BTAF1: variants seen among roughly 807,000 people sequenced by gnomAD.
BTAF1 encodes B-TFIID TATA-box binding protein associated factor 1.
BTAF1 carries 38 observed loss-of-function variants against 227.1 expected under a neutral mutation model. That is an observed-to-expected ratio of 0.17 (90% confidence interval 0.13 to 0.22). The LOEUF is 0.22. Among genes scored for constraint, BTAF1 ranks in the 10% least tolerant of loss-of-function variants. The pLI, the probability that BTAF1 is intolerant of heterozygous loss-of-function variation, is 1.00. For missense variants in BTAF1, 1,598 were observed against 2,204.0 expected (o/e 0.73, Z 5.51); for synonymous variants, 742 against 751.9 (o/e 0.99, Z 0.21).
chr10:91,974,082 G>A (rs1847513008), intron 14 of BTAF1, among the ~76,000 whole-genome samples: 1 of 152,102 alleles, frequency 6.6e-6, no homozygotes, highest in Non-Finnish European at 1.5e-5. Flanking sequence ...AGTGAGAAAA[G>A]GAAACTCACC....
rs535458247 is a variant in BTAF1, at chr10:92,028,762, T to TA, written c.5407-28_5407-27insA. ...TGTGAAGTTAACCTCTCATTTTATT[T>TA]TTTTTTTTTTTGCCAATTTTTCTTA... is the stretch of plus-strand genomic sequence containing the variant. On this transcript the variant is annotated intron_variant, in intron 37 of 37. Transcript: ENST00000265990. The TA allele has an allele frequency of 8.5e-4, 1,313 of 1,552,544 alleles. 12 individuals are homozygous for TA. The African/African-American group carries it at 0.011, about 13-fold the overall frequency.
chr10:91,960,598 T>C (rs1846442296), intron 11 of BTAF1, among the ~76,000 whole-genome samples: 1 of 151,984 alleles, frequency 6.6e-6, no homozygotes. Flanking sequence ...TTTTTTTTTT[T>C]TTTTTAATCC....
At chr10:92,025,268 A>G (rs1242136780) in intron 35 of BTAF1, among the ~76,000 whole-genome samples, 1 of 152,106 alleles carries the variant, frequency 6.6e-6, no homozygotes, top group African/African-American at 2.4e-5. Flanking sequence ...TTTTGGGAGA[A>G]TTAGGGTGAG....
At chr10:91,969,424 G>C (rs530466961) in intron 14 of BTAF1, among the ~76,000 whole-genome samples, 1 of 151,764 alleles carries the variant, frequency 6.6e-6, no homozygotes, top group East Asian at 1.9e-4. Flanking sequence ...CTTTTTTTTG[G>C]TGAGTCAGTC....
intron 3 of BTAF1, among the ~76,000 whole-genome samples, chr10:91,941,143 T>C (rs1844966777): frequency 6.6e-6 from 1 of 152,246 alleles, no homozygotes; most frequent in African/African-American, 2.4e-5. Flanking sequence ...AATGTGTGAC[T>C]AGAGAAGTTA....
chr10:91,982,341 A>G, intron 17 of BTAF1, 116 bp downstream of exon 17: 1 of 1,411,496 alleles, frequency 7.1e-7, no homozygotes, highest in Non-Finnish European at 9.7e-7. Context: ...CCTTCATCAC[A>G]CTAATTATAG....
At chr10:92,015,946 C>T (rs555981291) in intron 32 of BTAF1, among the ~76,000 whole-genome samples, 2 of 152,242 alleles carry the variant, frequency 1.3e-5, no homozygotes, top group South Asian at 4.1e-4. Context: ...GATCATGTAA[C>T]TTCATTTAAG....
intron 11 of BTAF1, 34 bp downstream of exon 11, chr10:91,960,188 G>T: frequency 6.3e-7 from 1 of 1,596,560 alleles, no homozygotes; most frequent in East Asian, 2.2e-5. Flanking sequence ...TTATGTGGGA[G>T]AGTTTTTTCC....
chr10:92,004,141 AT>A (rs1849727360), intron 25 of BTAF1, among the ~76,000 whole-genome samples: 1 of 151,954 alleles, frequency 6.6e-6, no homozygotes, highest in Non-Finnish European at 1.5e-5. Flanking sequence ...TCTTATCAAG[AT>A]TTATGGTTCG....
intron 22 of BTAF1, among the ~76,000 whole-genome samples, chr10:91,994,195 G>A (rs1262139022): frequency 6.6e-6 from 1 of 151,996 alleles, no homozygotes; most frequent in South Asian, 2.1e-4. Flanking sequence ...AGCTACTCTG[G>A]AGGCTGAGGC....
At position 91,942,298 on chromosome 10, in the gene BTAF1, T is replaced by G. The variant is rs868529651; in HGVS notation, c.254-124T>G. Reference sequence around the variant, plus strand: ...GACCTCACTTCTTAAAAAAAAAAGTTTGTGTGTGTGTGTGTGTGTGTGTGT... The same window carrying G: ...GACCTCACTTCTTAAAAAAAAAAGTGTGTGTGTGTGTGTGTGTGTGTGTGT... On this transcript the variant is annotated intron_variant, in intron 3 of 37. Coordinates refer to ENST00000265990, the MANE Select transcript of BTAF1 (RefSeq NM_003972.3). 1.7e-3 allele frequency: 955 copies of G among 546,854 alleles called. 5 individuals are homozygous for G. Among genetic ancestry groups the G allele is most frequent in the African/African-American group, 4.1e-3 (210 of 51,398 alleles). 33.9% of individuals were successfully genotyped at this position (546,854 alleles called of 1,614,324 possible).
At chr10:91,998,383 T>A (rs1431204474) in intron 25 of BTAF1, among the ~76,000 whole-genome samples, 1 of 152,158 alleles carries the variant, frequency 6.6e-6, no homozygotes, top group Non-Finnish European at 1.5e-5. Context: ...TCTGGTAACA[T>A]CTAGGTGTAG....
intron 32 of BTAF1, 111 bp downstream of exon 32, chr10:92,014,140 C>A (rs1850545335): frequency 9.0e-7 from 1 of 1,111,716 alleles, no homozygotes; most frequent in Non-Finnish European, 1.3e-6. Flanking sequence ...TTATCAGATG[C>A]AGATAAAGCC....
intron 5 of BTAF1, among the ~76,000 whole-genome samples, chr10:91,953,040 G>A (rs1460532615): frequency 6.6e-6 from 1 of 152,152 alleles, no homozygotes; most frequent in African/African-American, 2.4e-5. Context: ...GTTCATCGTT[G>A]CCATAGGTCA....
chr10:92,001,911 G>A lies in BTAF1; in HGVS notation c.3660+4160G>A, dbSNP rs1220900972. Among the ~76,000 whole-genome samples, 6 of 118,748 alleles carry A rather than the reference G, an allele frequency of 5.1e-5. No individual in the cohort carries two copies. In the Admixed American group the frequency reaches 6.2e-4, roughly 12 times the overall value. 77.9% of individuals were successfully genotyped at this position (118,748 alleles called of 152,430 possible). On this transcript the variant is annotated intron_variant, in intron 25 of 37. Transcript: ENST00000265990. ...GCGGATTCCTTGAGCTTAGGAGTTTGAAACCACCCTGGACAACATGGTGAA... is the reference window on the plus strand; with the variant it reads ...GCGGATTCCTTGAGCTTAGGAGTTTAAAACCACCCTGGACAACATGGTGAA...
intron 8 of BTAF1, among the ~76,000 whole-genome samples, chr10:91,958,564 T>C (rs1846259992): frequency 6.6e-6 from 1 of 151,838 alleles, no homozygotes; most frequent in Non-Finnish European, 1.5e-5. Context: ...TAGCCGGGCG[T>C]GGTGGCGGGC....
intron 4 of BTAF1, among the ~76,000 whole-genome samples, chr10:91,948,980 C>G (rs1589782589): frequency 6.6e-6 from 1 of 152,194 alleles, no homozygotes; most frequent in Middle Eastern, 3.4e-3. Context: ...ACAGTATCTT[C>G]TTTTACATTG....
At chr10:91,953,978 G>A (rs1845928276) in intron 6 of BTAF1, 105 bp downstream of exon 6, 2 of 1,456,968 alleles carry the variant, frequency 1.4e-6, no homozygotes, top group African/African-American at 1.4e-5. Context: ...TTTAGCTGGG[G>A]AGTACTGTTT....
intron 1 of BTAF1, among the ~76,000 whole-genome samples, chr10:91,927,898 G>GT (rs977560526): frequency 2.7e-5 from 4 of 150,836 alleles, no homozygotes; most frequent in Non-Finnish European, 1.5e-5. Context: ...ATTTGTAGGA[G>GT]TATGATTTTA....
Sources: allele counts gnomAD v4.1 joint callset (sites outside exome capture counted in the v4.1 genomes callset), GRCh38; gene constraint gnomAD v4.1.1; transcripts MANE v1.5; gene names NCBI Gene and HGNC (gene_info 2026-07-23, HGNC 2026-07-21).